Variants in FMN1 observed in about 807,000 individuals in gnomAD.
The protein encoded by FMN1 is formin-1.
FMN1 carries 110 observed loss-of-function variants against 132.4 expected under a neutral mutation model. That is an observed-to-expected ratio of 0.83 (90% confidence interval 0.71 to 0.97). FMN1 has a LOEUF of 0.97. FMN1 is among the 50% of genes least tolerant of loss of function. The pLI is 0.00. For synonymous variants in FMN1, 722 were observed against 651.7 expected (o/e 1.11, Z -1.64); for missense variants, 1,792 against 1,705.3 (o/e 1.05, Z -0.90).
rs1261986881 is a variant in FMN1 at position 32,771,241 on chromosome 15, G to C, written c.*3069C>G. On this transcript the variant is annotated 3_prime_UTR_variant, in exon 21 of 21. Transcript: ENST00000616417. ...CTACAGGCGCCCACCACCACGCCCG[G>C]CTAATTTTTTGTATTTTTAGTAGAG... 6.6e-6 allele frequency: 1 copy of C among 151,672 alleles called. No homozygotes were observed. The highest frequency in any genetic ancestry group is 1.5e-5 in the Non-Finnish European group (1 of 67,964). 9.4% of individuals were successfully genotyped at this position (151,672 alleles called of 1,614,324 possible). A position where few individuals can be genotyped will look rare whatever the true frequency, so the allele number is the denominator to read the frequency against.
In FMN1 at chr15:32,964,014, G is replaced by GATATAT. The variant is rs777105308; in HGVS notation, c.3138+92_3138+93insATATAT. The stretch of plus-strand genomic sequence containing the variant: ...TAGGTATGTGTGTGTGTGTATATAC[G>GATATAT]ATACACACACACACACACACACACA... On this transcript the variant is annotated intron_variant, in intron 9 of 20. Coordinates refer to ENST00000616417, the MANE Select transcript of FMN1 (RefSeq NM_001277313.2). 5.0e-3 allele frequency: 1,723 copies of GATATAT among 342,910 alleles called. 22 individuals are homozygous for GATATAT. The highest frequency in any genetic ancestry group is 0.041 in the African/African-American group (1,574 of 38,162). 21.2% of individuals were successfully genotyped at this position (342,910 alleles called of 1,614,324 possible). A position where few individuals can be genotyped will look rare whatever the true frequency, so the allele number is the denominator to read the frequency against.
chr15:32,995,357 T>G (rs142559094), intron 7 of FMN1, among the ~76,000 whole-genome samples: 31 of 152,276 alleles, frequency 2.0e-4, no homozygotes, highest in Middle Eastern at 3.4e-3. Flanking sequence ...GTTGATAATT[T>G]TAAAATGTTA....
chr15:32,996,509 G>A (rs1348767371), intron 7 of FMN1, among the ~76,000 whole-genome samples: 1 of 152,154 alleles, frequency 6.6e-6, no homozygotes, highest in Non-Finnish European at 1.5e-5. Context: ...ATTCTCACTA[G>A]GCAAGGACCT....
intron 6 of FMN1, among the ~76,000 whole-genome samples, chr15:33,016,707 G>A (rs768802057): frequency 6.6e-6 from 1 of 152,318 alleles, no homozygotes; most frequent in Admixed American, 6.5e-5. Context: ...AGCACAGGAA[G>A]AGATCTAACT....
chr15:33,025,749 A>T (rs1034703483), intron 6 of FMN1, among the ~76,000 whole-genome samples: 21 of 152,180 alleles, frequency 1.4e-4, no homozygotes, highest in Admixed American at 1.0e-3. Flanking sequence ...ATGATACAGA[A>T]TGACACAGAT....
chr15:32,790,667 G>A (rs1234416352), intron 19 of FMN1, among the ~76,000 whole-genome samples: 1 of 152,140 alleles, frequency 6.6e-6, no homozygotes, highest in African/African-American at 2.4e-5. Context: ...ATCTGCTTAG[G>A]GTGGTCCTGA....
chr15:33,013,918 G>C (rs1210763617), intron 6 of FMN1, among the ~76,000 whole-genome samples: 1 of 152,188 alleles, frequency 6.6e-6, no homozygotes, highest in Non-Finnish European at 1.5e-5. Flanking sequence ...TGTGTAAATT[G>C]TACCTATATG....
chr15:33,124,976 C>T (rs1289323032), intron 4 of FMN1, among the ~76,000 whole-genome samples: 1 of 152,078 alleles, frequency 6.6e-6, no homozygotes, highest in African/African-American at 2.4e-5. Flanking sequence ...AGAGGCAATT[C>T]AAATGAAGTT....
At chr15:32,891,046 G>GT (rs745663465) in intron 15 of FMN1, among the ~76,000 whole-genome samples, 2 of 152,174 alleles carry the variant, frequency 1.3e-5, no homozygotes, top group Non-Finnish European at 2.9e-5. Flanking sequence ...TCAGTTGGCT[G>GT]TAAGTATTTG....
At chr15:33,095,984 G>C (rs1484251613) in intron 4 of FMN1, among the ~76,000 whole-genome samples, 2 of 144,412 alleles carry the variant, frequency 1.4e-5, no homozygotes, top group Non-Finnish European at 3.0e-5. Context: ...AGGAATATAC[G>C]TAACAAGGTA....
intron 16 of FMN1, among the ~76,000 whole-genome samples, chr15:32,877,470 T>G (rs1251264067): frequency 3.3e-5 from 5 of 152,164 alleles, no homozygotes; most frequent in Non-Finnish European, 7.4e-5. Context: ...ATTTTTCAGT[T>G]GTTCTAATTA....
At chr15:32,901,786 T>C in intron 13 of FMN1, 125 bp downstream of exon 13, 2 of 683,722 alleles carry the variant, frequency 2.9e-6, no homozygotes, top group East Asian at 3.1e-5. Context: ...TCATCAAATT[T>C]ACACTTAGAA....
chr15:32,883,509 CAAAAAAAAAAAAAAAAAAAAA>C (rs60737133), intron 16 of FMN1, among the ~76,000 whole-genome samples: 3 of 25,912 alleles, frequency 1.2e-4, no homozygotes, highest in Non-Finnish European at 2.2e-4. Context: ...GAACCTATCT[CAAAAAAAAAAAAAAAAAAAAA>C]AAAAAAAAAA....
chr15:32,950,627 G>A (rs181579620), intron 9 of FMN1, among the ~76,000 whole-genome samples: 52 of 152,240 alleles, frequency 3.4e-4, no homozygotes, highest in Admixed American at 2.2e-3. Context: ...TTGTAAGTGG[G>A]AGTTAAATGA....
At chr15:32,822,166 T>C (rs1465844223) in intron 17 of FMN1, among the ~76,000 whole-genome samples, 1 of 152,022 alleles carries the variant, frequency 6.6e-6, no homozygotes, top group Non-Finnish European at 1.5e-5. Context: ...CTGGCCAACA[T>C]GGTGAAACCC....
chr15:32,917,208 G>T (rs1033368611), intron 10 of FMN1, among the ~76,000 whole-genome samples: 3 of 152,186 alleles, frequency 2.0e-5, no homozygotes, highest in African/African-American at 7.2e-5. Context: ...GCAAGGCCAG[G>T]GGACCGTACA....
chr15:32,777,285 C>G (rs1048849880), intron 19 of FMN1, among the ~76,000 whole-genome samples: 9 of 151,782 alleles, frequency 5.9e-5, no homozygotes, highest in Non-Finnish European at 1.3e-4. Flanking sequence ...GAATGAAGTT[C>G]TGAGGAAATG....
chr15:32,805,135 G>A (rs1189188158), intron 17 of FMN1, among the ~76,000 whole-genome samples: 3 of 152,176 alleles, frequency 2.0e-5, no homozygotes, highest in Non-Finnish European at 2.9e-5. Context: ...CAGTGTAAAA[G>A]CGTTCCTATT....
At chr15:33,033,448 C>T (rs1190762530) in intron 6 of FMN1, among the ~76,000 whole-genome samples, 1 of 152,160 alleles carries the variant, frequency 6.6e-6, no homozygotes, top group African/African-American at 2.4e-5. Context: ...GGTGGTTGTC[C>T]ACTTTCCTAT....
Sources: gnomAD v4.1 joint callset for allele counts (sites outside exome capture counted in the v4.1 genomes callset) on GRCh38, gnomAD v4.1.1 for gene constraint, MANE v1.5 for transcripts, NCBI Gene and HGNC (gene_info 2026-07-23, HGNC 2026-07-21) for gene names.